Variants in AGO2 observed in about 807,000 individuals in gnomAD.
The protein encoded by AGO2 is protein argonaute-2.
Under a neutral mutation model 102.3 loss-of-function variants are expected in AGO2, and 5 were observed. The ratio of observed to expected loss-of-function variants is 0.05; its 90% CI spans 0.03 to 0.10. The LOEUF is 0.10. Among genes scored for constraint, AGO2 ranks in the 10% least tolerant of loss-of-function variants. AGO2 has a pLI of 1.00. For missense variants in AGO2, 541 were observed against 1,183.7 expected (o/e 0.46, Z 7.97); for synonymous variants, 449 against 473.1 (o/e 0.95, Z 0.66).
chr8:140,635,327 G>A (rs975147953), intron 1 of AGO2, among the ~76,000 whole-genome samples, 158 bp downstream of exon 1: 2 of 145,852 alleles, frequency 1.4e-5, no homozygotes, highest in African/African-American at 4.9e-5. Context: ...GCCGCTCCTC[G>A]AGCCCCCAAG....
intron 1 of AGO2, among the ~76,000 whole-genome samples, chr8:140,598,155 G>A (rs558201434): frequency 2.0e-5 from 3 of 152,336 alleles, no homozygotes; most frequent in South Asian, 2.1e-4. Context: ...TGCCGACCTC[G>A]GGGTCAGGAA....
At chr8:140,542,668 G>T (rs1219292755) in intron 14 of AGO2, among the ~76,000 whole-genome samples, 1 of 152,224 alleles carries the variant, frequency 6.6e-6, no homozygotes, top group Non-Finnish European at 1.5e-5. Context: ...AGCTAACGGG[G>T]ACCAGGTGAG....
chr8:140,598,083 G>C (rs2073875356), intron 1 of AGO2, among the ~76,000 whole-genome samples: 1 of 152,236 alleles, frequency 6.6e-6, no homozygotes, highest in Non-Finnish European at 1.5e-5. Flanking sequence ...AGGAGGGTGA[G>C]AAAGGAGGAG....
chr8:140,624,807 AACAAGACGATGCC>A (rs2074255144), intron 1 of AGO2, among the ~76,000 whole-genome samples: 1 of 152,262 alleles, frequency 6.6e-6, no homozygotes, highest in Non-Finnish European at 1.5e-5. Context: ...AACATCTGTC[AACAAGACGATGCC>A]ACTGGGATCT....
chr8:140,609,948 C>T (rs558279004), intron 1 of AGO2, among the ~76,000 whole-genome samples: 4 of 150,092 alleles, frequency 2.7e-5, no homozygotes, highest in African/African-American at 7.4e-5. Context: ...AATCCCAGCA[C>T]GGTGGGAGCC....
chr8:140,523,567 ATAAAT>A lies in AGO2; in HGVS notation c.*8472_*8476del, dbSNP rs1299137642. ...TAGCCACTTTGCTGCACAGAAACTT[ATAAAT>A]TATTCTCTCAAAACTTTTTAAAAAA... On this transcript the variant is annotated 3_prime_UTR_variant, in exon 19 of 19. Coordinates refer to ENST00000220592, the MANE Select transcript of AGO2 (RefSeq NM_012154.5). The A allele has an allele frequency of 2.0e-4, 30 of 152,358 alleles. No individual in the cohort carries two copies. Among genetic ancestry groups the A allele is most frequent in the Admixed American group, 5.2e-4 (8 of 15,298 alleles). 9.4% of individuals were successfully genotyped at this position (152,358 alleles called of 1,614,324 possible).
intron 1 of AGO2, among the ~76,000 whole-genome samples, chr8:140,616,106 TG>T (rs1470492496): frequency 1.3e-5 from 2 of 152,148 alleles, no homozygotes; most frequent in Non-Finnish European, 2.9e-5. Context: ...CAAGAACCCT[TG>T]TAACCAAGCC....
At chr8:140,625,959 C>G (rs762746965) in intron 1 of AGO2, among the ~76,000 whole-genome samples, 78 of 152,258 alleles carry the variant, frequency 5.1e-4, no homozygotes, top group Non-Finnish European at 8.7e-4. Flanking sequence ...ATCTGGCAAA[C>G]TGCATACTTC....
intron 1 of AGO2, among the ~76,000 whole-genome samples, chr8:140,616,358 G>T (rs1435715595): frequency 6.6e-6 from 1 of 152,174 alleles, no homozygotes; most frequent in African/African-American, 2.4e-5. Context: ...TATGCACAAG[G>T]AAGATTTGCC....
chr8:140,600,419 G>A (rs1390830795), intron 1 of AGO2, among the ~76,000 whole-genome samples: 1 of 152,196 alleles, frequency 6.6e-6, no homozygotes. Context: ...GGTGGCTCAC[G>A]CCTGTAATCC....
Position 140,540,637 on chromosome 8 carries a change from G to A in AGO2, c.2034+527C>T, listed in dbSNP as rs186885308. ...TGGCTTCCCTGCCTGTCCAGACTCA[G>A]CAGTGACCCATTGTGGCCGTCCCTC... is the stretch of plus-strand genomic sequence containing the variant. On this transcript the variant is annotated intron_variant, in intron 15 of 18. Coordinates refer to ENST00000220592, the MANE Select transcript of AGO2 (RefSeq NM_012154.5). The surrounding 1 kb of genome is among the most constrained non-coding windows in gnomAD (Gnocchi z 5.0). Among the ~76,000 whole-genome samples, 40 of 152,238 alleles carry A rather than the reference G, an allele frequency of 2.6e-4. No homozygotes were observed. The highest frequency in any genetic ancestry group is 2.9e-4 in the Non-Finnish European group (20 of 68,000).
At position 140,523,233 on chromosome 8, in the gene AGO2, G is replaced by C. The variant is rs1317045426; in HGVS notation, c.*8811C>G. ...AGTACCACCTGAAACGAGGCCCTTG[G>C]AGCTGCTCAGCTTCTTAGAAAATAG... On this transcript the variant is annotated 3_prime_UTR_variant, in exon 19 of 19. Coordinates refer to ENST00000220592, the MANE Select transcript of AGO2 (RefSeq NM_012154.5). The C allele has an allele frequency of 6.6e-6, 1 of 152,144 alleles. No individual in the cohort carries two copies. The highest frequency in any genetic ancestry group is 2.1e-4 in the South Asian group (1 of 4,828). 9.4% of individuals were successfully genotyped at this position (152,144 alleles called of 1,614,324 possible).
intron 3 of AGO2, among the ~76,000 whole-genome samples, chr8:140,566,049 G>A (rs2073278527): frequency 6.6e-6 from 1 of 151,580 alleles, no homozygotes; most frequent in East Asian, 1.9e-4. Context: ...AAAAAAAAAA[G>A]TTATGAATGA....
intron 16 of AGO2, among the ~76,000 whole-genome samples, chr8:140,536,152 A>G (rs1244170224): frequency 6.6e-6 from 1 of 152,232 alleles, no homozygotes; most frequent in African/African-American, 2.4e-5. Flanking sequence ...TTACAAGGTC[A>G]CAAGCATGGA....
In AGO2 at chr8:140,541,345, A is replaced by G. The variant is rs1187674580; in HGVS notation, c.1853T>C (p.Met618Thr). The G allele has an allele frequency of 6.2e-7, 1 of 1,605,652 alleles. No homozygotes were observed. The highest frequency in any genetic ancestry group is 8.5e-7 in the Non-Finnish European group (1 of 1,176,844). The change falls in exon 15 of 19, where the codon ATG (methionine) becomes ACG (threonine). Residue 618 changes from methionine to threonine, a missense_variant. Transcript: ENST00000220592. ...KPSIAAVVGS[M>T]DAHPNRYCAT... The stretch of plus-strand genomic sequence containing the variant: ...GCAGTAGCGATTGGGGTGGGCGTCC[A>G]TGCTGCCCACCACCTGCAGGAACAG...
chr8:140,619,376 A>G (rs1022948527), intron 1 of AGO2, among the ~76,000 whole-genome samples: 2 of 152,236 alleles, frequency 1.3e-5, no homozygotes, highest in Non-Finnish European at 2.9e-5. Context: ...AATGTCTTAC[A>G]CTAGACGCAA....
At position 140,610,314 on chromosome 8, in the gene AGO2, G is replaced by A. The variant is rs189545384; in HGVS notation, c.23-25003C>T. Among the ~76,000 whole-genome samples, 76 of 152,096 alleles carry A rather than the reference G, an allele frequency of 5.0e-4. 1 individual carries two copies. Among genetic ancestry groups the A allele is most frequent in the Middle Eastern group, 3.4e-3 (1 of 294 alleles). On this transcript the variant is annotated intron_variant, in intron 1 of 18. Transcript: ENST00000220592. Reference sequence around the variant, plus strand: ...TGGCTCACTGCAACCTCTGCTTCCCGGGCTCAAGCACTTCTGCCTCAGCCT... The same window carrying A: ...TGGCTCACTGCAACCTCTGCTTCCCAGGCTCAAGCACTTCTGCCTCAGCCT...
chr8:140,585,304 T>A lies in AGO2; in HGVS notation c.30A>T (p.Ala10=). The A allele has an allele frequency of 6.2e-7, 1 of 1,613,442 alleles. No homozygotes were observed. MYSGAGPAL[A]PPAPPPPIQG... Reference sequence around the variant, plus strand: ...GGATGGGGGGCGGCGGCGCAGGAGGTGCAAGTGCTGGAATGGCAGAGAGAA... The same window carrying A: ...GGATGGGGGGCGGCGGCGCAGGAGGAGCAAGTGCTGGAATGGCAGAGAGAA... The change falls in exon 2 of 19, where the codon GCA becomes GCT. Residue 10 remains alanine, a synonymous_variant. Transcript: ENST00000220592.
At chr8:140,613,136 C>G (rs1169010361) in intron 1 of AGO2, among the ~76,000 whole-genome samples, 2 of 150,634 alleles carry the variant, frequency 1.3e-5, no homozygotes, top group East Asian at 4.0e-4. Context: ...GGAGGCGGAG[C>G]TTGCAGTGAG....
Sources: gnomAD v4.1 joint callset for allele counts (sites outside exome capture counted in the v4.1 genomes callset) on GRCh38, gnomAD v4.1.1 for gene constraint, Gnocchi (gnomAD v3.1) non-coding constraint, MANE v1.5 for transcripts, NCBI Gene and HGNC (gene_info 2026-07-23, HGNC 2026-07-21) for gene names.